Variants in ENTREP2 observed in about 807,000 individuals in gnomAD.
The protein encoded by ENTREP2 is protein ENTREP2.
chr15:29,573,478 T>C, the ENTREP2 span, among the ~76,000 whole-genome samples: 2 of 152,210 alleles, frequency 1.3e-5, no homozygotes, highest in African/African-American at 2.4e-5. Context: ...CAGAAAAAGA[T>C]TGAAGAAAGT....
the ENTREP2 span, among the ~76,000 whole-genome samples, chr15:29,623,691 T>G: frequency 6.6e-6 from 1 of 151,986 alleles, no homozygotes; most frequent in Non-Finnish European, 1.5e-5. Flanking sequence ...ATCAAGAAGG[T>G]GCTAAAAGGA....
the ENTREP2 span, among the ~76,000 whole-genome samples, chr15:29,166,460 GA>G: frequency 6.6e-6 from 1 of 152,098 alleles, no homozygotes; most frequent in Non-Finnish European, 1.5e-5. Context: ...ACTGATAAAA[GA>G]ATTCAGCAAA....
At chr15:29,554,263 C>T in the ENTREP2 span, among the ~76,000 whole-genome samples, 1 of 148,706 alleles carries the variant, frequency 6.7e-6, no homozygotes, top group African/African-American at 2.5e-5. Context: ...TGCAGTGAGC[C>T]GAGATCACAC....
At chr15:29,399,550 C>T in the ENTREP2 span, among the ~76,000 whole-genome samples, 1 of 152,138 alleles carries the variant, frequency 6.6e-6, no homozygotes, top group Non-Finnish European at 1.5e-5. Context: ...TACCTGGTTA[C>T]AAAATCAATA....
the ENTREP2 span, among the ~76,000 whole-genome samples, chr15:29,482,334 C>T: frequency 1.3e-5 from 2 of 152,018 alleles, no homozygotes; most frequent in African/African-American, 2.4e-5. Context: ...AATCAATGAA[C>T]CTACACACTG....
the ENTREP2 span, chr15:29,196,325 C>G: frequency 7.8e-7 from 1 of 1,290,162 alleles, no homozygotes; most frequent in South Asian, 1.5e-5. Context: ...GAACCTACCC[C>G]GGGAAGTTAA....
chr15:29,482,685 T>C, the ENTREP2 span, among the ~76,000 whole-genome samples: 1 of 152,228 alleles, frequency 6.6e-6, no homozygotes, highest in Non-Finnish European at 1.5e-5. Flanking sequence ...TTCTTTTTAG[T>C]GCTTAGAAGT....
At chr15:29,179,022 GC>G in the ENTREP2 span, among the ~76,000 whole-genome samples, 2 of 152,194 alleles carry the variant, frequency 1.3e-5, no homozygotes, top group African/African-American at 4.8e-5. Context: ...TATTTATGTG[GC>G]CTACAGGCAG....
chr15:29,367,306 T>C, the ENTREP2 span, among the ~76,000 whole-genome samples: 1 of 152,188 alleles, frequency 6.6e-6, no homozygotes, highest in East Asian at 1.9e-4. Context: ...CAAAGTCCCA[T>C]TCCCAAATAA....
At chr15:29,660,829 A>G in the ENTREP2 span, among the ~76,000 whole-genome samples, 7 of 152,334 alleles carry the variant, frequency 4.6e-5, no homozygotes, top group Admixed American at 3.3e-4. Flanking sequence ...CAACCCAACG[A>G]GGATTGAAAA....
At chr15:29,265,085 T>C in the ENTREP2 span, 2 of 152,224 alleles carry the variant, frequency 1.3e-5, no homozygotes, top group South Asian at 2.1e-4. Context: ...TGAACATCTC[T>C]AAGCAAGCTA....
the ENTREP2 span, among the ~76,000 whole-genome samples, chr15:29,603,770 C>G: frequency 2.0e-5 from 3 of 152,128 alleles, no homozygotes; most frequent in Non-Finnish European, 4.4e-5. Flanking sequence ...TCCCGAGTAG[C>G]TGGGATTATA....
the ENTREP2 span, among the ~76,000 whole-genome samples, chr15:29,343,293 T>C: frequency 2.6e-5 from 4 of 152,106 alleles, no homozygotes; most frequent in Admixed American, 1.3e-4. Context: ...ATATCTACAA[T>C]AAATAGACTC....
the ENTREP2 span, among the ~76,000 whole-genome samples, chr15:29,594,980 A>G: frequency 6.8e-6 from 1 of 146,064 alleles, no homozygotes; most frequent in South Asian, 2.3e-4. Context: ...AGGCAGGAGA[A>G]TGGCGTGAAC....
the ENTREP2 span, among the ~76,000 whole-genome samples, chr15:29,388,419 G>A: frequency 9.8e-5 from 15 of 152,292 alleles, 1 homozygote; most frequent in South Asian, 3.1e-3. Context: ...ACAATGAGAT[G>A]CCATCTCACA....
chr15:29,613,648 T>A, the ENTREP2 span: 1 of 184,124 alleles, frequency 5.4e-6, no homozygotes, highest in Non-Finnish European at 1.1e-5. Context: ...CTCCTTATAA[T>A]ATTCGCTTCC....
chr15:29,405,456 C>T, the ENTREP2 span, among the ~76,000 whole-genome samples: 3 of 152,020 alleles, frequency 2.0e-5, no homozygotes, highest in Non-Finnish European at 4.4e-5. Context: ...CCTTTAGGGG[C>T]TTTCTTTATC....
At chr15:29,146,724 T>A in the ENTREP2 span, among the ~76,000 whole-genome samples, 1 of 152,166 alleles carries the variant, frequency 6.6e-6, no homozygotes, top group East Asian at 1.9e-4. Flanking sequence ...GATCACAAGG[T>A]CAGGAGTTTG....
the ENTREP2 span, among the ~76,000 whole-genome samples, chr15:29,380,633 C>G: frequency 6.6e-6 from 1 of 152,150 alleles, no homozygotes; most frequent in African/African-American, 2.4e-5. Flanking sequence ...ATTAACCTCT[C>G]TCCATCTCCC....
Sources: gnomAD v4.1 joint callset for allele counts (sites outside exome capture counted in the v4.1 genomes callset) on GRCh38, gnomAD v4.1.1 for gene constraint, MANE v1.5 for transcripts, NCBI Gene and HGNC (gene_info 2026-07-23, HGNC 2026-07-21) for gene names.